ZNF429: variants seen among roughly 807,000 people sequenced by gnomAD.
ZNF429 encodes zinc finger protein 429.
ZNF429 carries 53 observed loss-of-function variants against 56.8 expected under a neutral mutation model. The ratio of observed to expected loss-of-function variants is 0.93; its 90% CI spans 0.75 to 1.17. ZNF429 has a LOEUF of 1.17. Among genes scored for constraint, ZNF429 ranks in the 50% most tolerant of loss-of-function variants. The pLI is 0.00. For synonymous variants in ZNF429, 278 were observed against 264.7 expected (o/e 1.05, Z -0.49); for missense variants, 849 against 788.4 (o/e 1.08, Z -0.92).
At chr19:21,524,018 A>T (rs1265680930) in intron 1 of ZNF429, among the ~76,000 whole-genome samples, 1 of 152,218 alleles carries the variant, frequency 6.6e-6, no homozygotes, top group Non-Finnish European at 1.5e-5. Context: ...CATCTTCTGC[A>T]TTGTGAGATG....
chr19:21,513,348 T>C (rs2032590969), intron 1 of ZNF429, among the ~76,000 whole-genome samples: 1 of 152,236 alleles, frequency 6.6e-6, no homozygotes, highest in Admixed American at 6.5e-5. Flanking sequence ...TTATCTTTTA[T>C]AATAAACCAG....
chr19:21,525,829 A>G (rs968912381), intron 1 of ZNF429, among the ~76,000 whole-genome samples: 2 of 146,428 alleles, frequency 1.4e-5, no homozygotes, highest in African/African-American at 2.6e-5. Flanking sequence ...CTTTTATTCT[A>G]TACATTTTAT....
chr19:21,506,767 G>T (rs8100123), intron 1 of ZNF429, among the ~76,000 whole-genome samples: 22,010 of 110,888 alleles, frequency 0.2, 2,020 homozygotes, highest in Middle Eastern at 0.27. Context: ...TTAGTTTTTT[G>T]TTTTTTTTTT....
At position 21,538,793 on chromosome 19, in the gene ZNF429, G is replaced by C. The variant is rs1311530298; in HGVS notation, c.*715G>C. On this transcript the variant is annotated 3_prime_UTR_variant, in exon 4 of 4. Transcript: ENST00000358491. ...AAAATCTGTTCACATCTTAACAACA[G>C]AGAGTTGATACTTAATAAGAGCATT... is the stretch of plus-strand genomic sequence containing the variant. 1.3e-5 allele frequency: 2 copies of C among 152,144 alleles called. No individual in the cohort carries two copies. Among genetic ancestry groups the C allele is most frequent in the South Asian group, 2.1e-4 (1 of 4,830 alleles). The allele number at this position is 152,144 out of a possible 1,614,324, so 9.4% of individuals were successfully genotyped here.
chr19:21,537,695 C>T lies in ZNF429; in HGVS notation c.1642C>T (p.Arg548Trp), dbSNP rs781155156. ...TGAAGAATGTGGCAAAGCTTTTAAC[C>T]GGTCCTCAAGACTTACTCAACATAA... The part of the protein sequence containing the change: ...KCEECGKAFN[R>W]SSRLTQHKKI... The change falls in exon 4 of 4, where the codon CGG (arginine) becomes TGG (tryptophan). Residue 548 changes from arginine (R) to tryptophan (W), a missense_variant. Physicochemically the swap from Arg to Trp is moderately radical, Grantham distance 101. Coordinates refer to ENST00000358491, the MANE Select transcript of ZNF429 (RefSeq NM_001001415.4). 3.1e-5 allele frequency: 50 copies of T among 1,613,642 alleles called. No homozygotes were observed. Among genetic ancestry groups the T allele is most frequent in the Admixed American group, 1.8e-4 (11 of 59,966 alleles).
chr19:21,517,839 G>A (rs1284556588), intron 1 of ZNF429, among the ~76,000 whole-genome samples: 2 of 149,654 alleles, frequency 1.3e-5, no homozygotes, highest in African/African-American at 2.5e-5. Context: ...TGTCACCCAG[G>A]CTGGAGTACA....
At chr19:21,522,614 A>G (rs2033022172) in intron 1 of ZNF429, among the ~76,000 whole-genome samples, 1 of 152,138 alleles carries the variant, frequency 6.6e-6, no homozygotes, top group Non-Finnish European at 1.5e-5. Flanking sequence ...TTGTGCTGCA[A>G]AGTGCATGCT....
At position 21,530,695 on chromosome 19, in the gene ZNF429, G is replaced by A; in HGVS notation, c.226+11G>A. On this transcript the variant is annotated intron_variant, in intron 3 of 3. Transcript: ENST00000358491. ...TGGATGAACCCCCAGGTAGGTGAGA[G>A]TGAACACAACAGACAACACAGATGA... The A allele has an allele frequency of 5.1e-5, 82 of 1,600,120 alleles. 1 individual carries two copies. In the African/African-American group the frequency reaches 9.3e-4, roughly 18 times the overall value.
chr19:21,522,614 A>C (rs2033022172), intron 1 of ZNF429, among the ~76,000 whole-genome samples: 1 of 152,138 alleles, frequency 6.6e-6, no homozygotes, highest in African/African-American at 2.4e-5. Context: ...TTGTGCTGCA[A>C]AGTGCATGCT....
chr19:21,520,414 G>A (rs562201467), intron 1 of ZNF429, among the ~76,000 whole-genome samples: 2 of 152,174 alleles, frequency 1.3e-5, no homozygotes, highest in African/African-American at 4.8e-5. Context: ...TTTTCTTAAA[G>A]CATTTAGATT....
chr19:21,506,514 T>C (rs1010258744), intron 1 of ZNF429, among the ~76,000 whole-genome samples: 1 of 151,418 alleles, frequency 6.6e-6, no homozygotes, highest in African/African-American at 2.4e-5. Context: ...GTTCTAAAAT[T>C]GTAAAGCACC....
chr19:21,536,129 TA>T lies in ZNF429; in HGVS notation c.227-150del. ...TATATTTTGGTTAGTATGTCTTTGTTATATTTATATGTTTATGAAGAAATTA... is the reference window on the plus strand; with the variant it reads ...TATATTTTGGTTAGTATGTCTTTGTTTATTTATATGTTTATGAAGAAATTA... On this transcript the variant is annotated intron_variant, in intron 3 of 3. Transcript: ENST00000358491. 4 of 169,074 alleles carry T rather than the reference TA, an allele frequency of 2.4e-5. 1 individual carries two copies. The highest frequency in any genetic ancestry group is 1.8e-5 in the Non-Finnish European group (2 of 113,912). The allele number at this position is 169,074 out of a possible 1,614,324, so 10.5% of individuals were successfully genotyped here. A position where few individuals can be genotyped will look rare whatever the true frequency, so the allele number is the denominator to read the frequency against.
In ZNF429 at chr19:21,536,560, A is replaced by C; in HGVS notation, c.507A>C (p.Gly169=). Residue 169 remains glycine (G), a synonymous_variant, in exon 4 of 4, where the codon GGA becomes GGC. Transcript: ENST00000358491. ...ATAGATACAAGACAAGACATACTGG[A>C]AAGAAACCTTTCCAGTGTAAAAAAT... is the stretch of plus-strand genomic sequence containing the variant. ...NADRYKTRHT[G]KKPFQCKKCG... is the part of the protein sequence containing the mutation. 6.2e-7 allele frequency: 1 copy of C among 1,613,684 alleles called. No homozygotes were observed.
chr19:21,536,795 A>G lies in ZNF429; in HGVS notation c.742A>G (p.Lys248Glu). The change falls in exon 4 of 4, where the codon AAG (lysine) becomes GAG (glutamate). Residue 248 changes from lysine (K) to glutamate (E), a missense_variant. By Grantham distance (56) the Lys-to-Glu change is moderately conservative. Coordinates refer to ENST00000358491, the MANE Select transcript of ZNF429 (RefSeq NM_001001415.4). ...FNHYSTLTNH[K>E]RIHTGEKPYK... ...CCACTACTCAACCCTTACTAACCATAAGAGAATTCATACTGGAGAGAAACC... is the reference window on the plus strand; with the variant it reads ...CCACTACTCAACCCTTACTAACCATGAGAGAATTCATACTGGAGAGAAACC... The G allele has an allele frequency of 6.2e-7, 1 of 1,614,012 alleles. No homozygotes were observed. Among genetic ancestry groups the G allele is most frequent in the South Asian group, 1.1e-5 (1 of 91,082 alleles).
At chr19:21,511,242 T>A (rs2032448590) in intron 1 of ZNF429, among the ~76,000 whole-genome samples, 1 of 151,648 alleles carries the variant, frequency 6.6e-6, no homozygotes. Context: ...ACGGGGCGGC[T>A]GGCCCGGTGG....
chr19:21,519,905 G>A (rs939941347), intron 1 of ZNF429, among the ~76,000 whole-genome samples: 6 of 147,314 alleles, frequency 4.1e-5, no homozygotes, highest in Admixed American at 6.9e-5. Context: ...TTTGTTGCCC[G>A]GGCTGGAGTG....
At chr19:21,509,732 A>G (rs1168941172) in intron 1 of ZNF429, among the ~76,000 whole-genome samples, 1 of 152,198 alleles carries the variant, frequency 6.6e-6, no homozygotes, top group Non-Finnish European at 1.5e-5. Flanking sequence ...TACTGAAGAT[A>G]AAGTTGTCCT....
At chr19:21,535,484 CTTTCTTTCTTTCTTCT>C in intron 3 of ZNF429, among the ~76,000 whole-genome samples, 32 of 70,762 alleles carry the variant, frequency 4.5e-4, no homozygotes, top group South Asian at 2.5e-3. Context: ...TTCTTTCTTT[CTTTCTTTCTTTCTTCT>C]TTCTTTCTTT....
chr19:21,531,117 A>AC, intron 3 of ZNF429, among the ~76,000 whole-genome samples: 2,215 of 88,850 alleles, frequency 0.025, 128 homozygotes, highest in African/African-American at 0.1. Flanking sequence ...AAAAAAAAAA[A>AC]AAAAAAAAAA....
Sources: allele counts gnomAD v4.1 joint callset (sites outside exome capture counted in the v4.1 genomes callset), GRCh38; gene constraint gnomAD v4.1.1; transcripts MANE v1.5; gene names NCBI Gene and HGNC (gene_info 2026-07-23, HGNC 2026-07-21).